CNTN4: variants seen among roughly 807,000 people sequenced by gnomAD.
CNTN4 encodes contactin-4.
Under a neutral mutation model 122.5 loss-of-function variants are expected in CNTN4, and 77 were observed. That is an observed-to-expected ratio of 0.63 (90% CI 0.52 to 0.76). CNTN4 has a LOEUF of 0.76. CNTN4 is among the 30% of genes least tolerant of loss of function. The probability of loss-of-function intolerance (pLI) is 0.00; values close to 1 mark genes in which losing one functional copy is unlikely to be tolerated. For synonymous variants in CNTN4, 512 were observed against 447.0 expected (o/e 1.15, Z -1.83); for missense variants, 1,256 against 1,259.1 (o/e 1.00, Z 0.04).
At chr3:2,265,346 T>C (rs1153498) in intron 2 of CNTN4, among the ~76,000 whole-genome samples, 7,080 of 152,164 alleles carry the variant, frequency 0.047, 199 homozygotes, top group African/African-American at 0.067. Context: ...CTTTTGGAGC[T>C]TTTTCTAAAA....
intron 3 of CNTN4, among the ~76,000 whole-genome samples, chr3:2,423,096 C>T (rs560260982): frequency 6.6e-6 from 1 of 152,244 alleles, no homozygotes; most frequent in Non-Finnish European, 1.5e-5. Flanking sequence ...AACTGATAAC[C>T]AATTAAATAA....
chr3:2,175,820 A>G (rs1289026761), intron 2 of CNTN4, among the ~76,000 whole-genome samples: 1 of 152,216 alleles, frequency 6.6e-6, no homozygotes, highest in African/African-American at 2.4e-5. Context: ...GAGTGATTGG[A>G]CTAAAGCTAA....
At chr3:2,994,856 T>A (rs1288692555) in intron 14 of CNTN4, among the ~76,000 whole-genome samples, 1 of 152,068 alleles carries the variant, frequency 6.6e-6, no homozygotes, top group Non-Finnish European at 1.5e-5. Context: ...TGACAGGGGA[T>A]CAATCAGAAA....
chr3:2,142,868 G>A (rs2727920), intron 2 of CNTN4, among the ~76,000 whole-genome samples: 38,204 of 152,088 alleles, frequency 0.25, 5,178 homozygotes, highest in South Asian at 0.47. Flanking sequence ...GAATTTCCAC[G>A]TAACTTTCAA....
chr3:2,696,903 G>T (rs1356923468), intron 4 of CNTN4, among the ~76,000 whole-genome samples: 1 of 152,152 alleles, frequency 6.6e-6, no homozygotes, highest in Non-Finnish European at 1.5e-5. Context: ...ATTTAAGATA[G>T]CCATTTGTTA....
chr3:2,705,623 TA>T (rs1192657131), intron 4 of CNTN4, among the ~76,000 whole-genome samples: 1 of 87,130 alleles, frequency 1.1e-5, no homozygotes, highest in Admixed American at 2.2e-4. Flanking sequence ...TTATATATAA[TA>T]TATAAATATA....
At chr3:2,998,004 G>A (rs776956025) in intron 14 of CNTN4, among the ~76,000 whole-genome samples, 2 of 152,112 alleles carry the variant, frequency 1.3e-5, no homozygotes, top group East Asian at 3.8e-4. Context: ...TGTAAGTAAA[G>A]CTTGGATTCT....
chr3:2,505,383 T>A (rs2076705366), intron 3 of CNTN4, among the ~76,000 whole-genome samples: 2 of 152,226 alleles, frequency 1.3e-5, no homozygotes, highest in South Asian at 2.1e-4. Context: ...TTGAAATTTT[T>A]AAAAAAATAT....
intron 3 of CNTN4, among the ~76,000 whole-genome samples, chr3:2,407,621 G>T (rs1361496362): frequency 2.0e-5 from 3 of 152,112 alleles, no homozygotes; most frequent in Non-Finnish European, 4.4e-5. Flanking sequence ...CACATACTTC[G>T]TACTTGCTTC....
At chr3:2,700,215 G>A (rs369329753) in intron 4 of CNTN4, among the ~76,000 whole-genome samples, 3 of 152,228 alleles carry the variant, frequency 2.0e-5, no homozygotes, top group African/African-American at 7.2e-5. Context: ...ATTTTCAAAG[G>A]TAAAATTAGA....
intron 2 of CNTN4, among the ~76,000 whole-genome samples, chr3:2,291,324 A>T (rs1245414926): frequency 6.6e-6 from 1 of 152,174 alleles, no homozygotes; most frequent in African/African-American, 2.4e-5. Flanking sequence ...TCCAACCCAT[A>T]TAGGAGAATT....
chr3:2,916,414 A>G (rs1239910676), intron 12 of CNTN4, among the ~76,000 whole-genome samples: 2 of 149,526 alleles, frequency 1.3e-5, no homozygotes, highest in East Asian at 4.0e-4. Flanking sequence ...GTTAAGGAGC[A>G]TGCTGCCTTC....
At chr3:2,674,940 A>T (rs1229213769) in intron 4 of CNTN4, among the ~76,000 whole-genome samples, 1 of 152,170 alleles carries the variant, frequency 6.6e-6, no homozygotes, top group Non-Finnish European at 1.5e-5. Context: ...CTTTCATATG[A>T]TTAATTGCTT....
intron 2 of CNTN4, among the ~76,000 whole-genome samples, chr3:2,333,629 T>C (rs2150313924): frequency 6.6e-6 from 1 of 152,350 alleles, no homozygotes; most frequent in East Asian, 1.9e-4. Flanking sequence ...CCATTAGTGA[T>C]CTCTGTGGTT....
At chr3:2,299,469 A>G (rs962484408) in intron 2 of CNTN4, among the ~76,000 whole-genome samples, 4 of 151,808 alleles carry the variant, frequency 2.6e-5, no homozygotes, top group African/African-American at 4.8e-5. Context: ...CCATACCCCC[A>G]CCCTCTTTCT....
At chr3:2,934,388 C>A (rs2151449530) in intron 13 of CNTN4, among the ~76,000 whole-genome samples, 1 of 152,312 alleles carries the variant, frequency 6.6e-6, no homozygotes. Flanking sequence ...CCCTAATTTG[C>A]CTCTCTTCCC....
intron 13 of CNTN4, among the ~76,000 whole-genome samples, chr3:2,930,500 A>G (rs1192405789): frequency 1.3e-5 from 2 of 152,244 alleles, no homozygotes; most frequent in Non-Finnish European, 2.9e-5. Context: ...GAAGCCAAAT[A>G]AATTAATAAA....
chr3:2,417,389 C>T (rs1559534008), intron 3 of CNTN4, among the ~76,000 whole-genome samples: 1 of 152,140 alleles, frequency 6.6e-6, no homozygotes, highest in Admixed American at 6.5e-5. Flanking sequence ...AAAACAGTAA[C>T]CTCAATTCCA....
intron 6 of CNTN4, among the ~76,000 whole-genome samples, chr3:2,817,424 A>T (rs2092762555): frequency 6.6e-6 from 1 of 152,222 alleles, no homozygotes; most frequent in African/African-American, 2.4e-5. Flanking sequence ...ATCATCTGGA[A>T]TCTATTTCAA....
Sources: allele counts gnomAD v4.1 joint callset (sites outside exome capture counted in the v4.1 genomes callset), GRCh38; gene constraint gnomAD v4.1.1; transcripts MANE v1.5; gene names NCBI Gene and HGNC (gene_info 2026-07-23, HGNC 2026-07-21).